CNTNAP5: variants seen among roughly 807,000 people sequenced by gnomAD.
CNTNAP5 encodes the protein contactin-associated protein-like 5.
Under a neutral mutation model 150.2 loss-of-function variants are expected in CNTNAP5, and 72 were observed. The observed-to-expected ratio is 0.48, with a 90% confidence interval of 0.40 to 0.58. CNTNAP5 has a LOEUF of 0.58. Among genes scored for constraint, CNTNAP5 ranks in the 20% least tolerant of loss-of-function variants. CNTNAP5 has a pLI of 0.00. For missense variants in CNTNAP5, 1,636 were observed against 1,626.2 expected, an observed-to-expected ratio of 1.01 and a Z score of -0.10; for synonymous variants, 672 against 619.8, an observed-to-expected ratio of 1.08 and a Z score of -1.25.
intron 13 of CNTNAP5, among the ~76,000 whole-genome samples, chr2:124,725,487 T>TTCCTTTCCTCTCTTCTCCTC (rs1264338868): frequency 7.6e-6 from 1 of 130,734 alleles, no homozygotes; most frequent in Non-Finnish European, 1.6e-5. Flanking sequence ...TCCTTCCCCC[T>TTCCTTTCCTCTCTTCTCCTC]TCCTTTCCTC....
At chr2:124,756,387 A>C (rs1488448154) in intron 14 of CNTNAP5, among the ~76,000 whole-genome samples, 1 of 152,214 alleles carries the variant, frequency 6.6e-6, no homozygotes, top group Non-Finnish European at 1.5e-5. Context: ...CAGAACTATC[A>C]TTTGACTGAG....
chr2:124,786,205 G>C (rs556841000), intron 17 of CNTNAP5, among the ~76,000 whole-genome samples: 17 of 151,492 alleles, frequency 1.1e-4, no homozygotes, highest in African/African-American at 4.1e-4. Flanking sequence ...GGAGGCTGCA[G>C]TGCGCTATGA....
chr2:124,622,501 G>A (rs1677638898), intron 12 of CNTNAP5, among the ~76,000 whole-genome samples: 1 of 152,014 alleles, frequency 6.6e-6, no homozygotes. Flanking sequence ...CAGGATTGCT[G>A]GGTCAAATGG....
intron 21 of CNTNAP5, among the ~76,000 whole-genome samples, chr2:124,872,552 A>C (rs2104728715): frequency 6.6e-6 from 1 of 151,972 alleles, no homozygotes; most frequent in East Asian, 1.9e-4. Context: ...CTACCAATTT[A>C]GGACAATTTT....
chr2:124,403,261 T>C (rs1015165353), intron 3 of CNTNAP5, among the ~76,000 whole-genome samples: 1 of 152,180 alleles, frequency 6.6e-6, no homozygotes, highest in Non-Finnish European at 1.5e-5. Flanking sequence ...TTTACAAGTA[T>C]TTTCTATTGG....
At chr2:124,881,101 T>C (rs1470771567) in intron 21 of CNTNAP5, among the ~76,000 whole-genome samples, 2 of 152,168 alleles carry the variant, frequency 1.3e-5, no homozygotes, top group Admixed American at 6.5e-5. Context: ...ACAGAGGACA[T>C]CCAGTGCTCT....
chr2:124,879,932 GC>G (rs1456473110), intron 21 of CNTNAP5, among the ~76,000 whole-genome samples: 1 of 152,060 alleles, frequency 6.6e-6, no homozygotes, highest in Admixed American at 6.6e-5. Context: ...CCCCTCTGAA[GC>G]TTGGTGAGAA....
chr2:124,707,201 G>GAAGAAGAAGAAGAAT (rs1390951606), intron 13 of CNTNAP5, among the ~76,000 whole-genome samples: 6 of 140,632 alleles, frequency 4.3e-5, no homozygotes, highest in Non-Finnish European at 7.8e-5. Flanking sequence ...AGAAGAAGAA[G>GAAGAAGAAGAAGAAT]AAGAATAAAC....
At chr2:124,190,300 A>C (rs1685429192) in intron 1 of CNTNAP5, among the ~76,000 whole-genome samples, 1 of 152,224 alleles carries the variant, frequency 6.6e-6, no homozygotes, top group South Asian at 2.1e-4. Flanking sequence ...TAGTTAGAGA[A>C]GTCTAACAGA....
chr2:124,203,600 C>T (rs962946321), intron 1 of CNTNAP5, among the ~76,000 whole-genome samples: 1 of 152,178 alleles, frequency 6.6e-6, no homozygotes, highest in Admixed American at 6.5e-5. Flanking sequence ...TCCATACATC[C>T]TCTGAAATCT....
chr2:124,722,399 T>C (rs1680067369), intron 13 of CNTNAP5, among the ~76,000 whole-genome samples: 1 of 152,120 alleles, frequency 6.6e-6, no homozygotes, highest in Non-Finnish European at 1.5e-5. Context: ...GCTTCCAAAA[T>C]ATAATGGCAG....
chr2:124,449,340 T>A (rs886700550), intron 6 of CNTNAP5, among the ~76,000 whole-genome samples: 9 of 151,834 alleles, frequency 5.9e-5, no homozygotes, highest in Non-Finnish European at 4.4e-5. Context: ...AGATATTTTT[T>A]ATAAACTCAA....
intron 3 of CNTNAP5, among the ~76,000 whole-genome samples, chr2:124,405,192 G>A (rs72966638): frequency 0.16 from 23,734 of 152,072 alleles, 1,975 homozygotes; most frequent in Non-Finnish European, 0.19. Context: ...TTTTCCTCAT[G>A]AGGCGGCGAG....
rs184996753 is a variant in CNTNAP5, at chr2:124,821,060, T to C, written c.3217+22740T>C. ...CCCAACATCGCCAGGCAGGAAACCA[T>C]GCAGTTCCCACAAGGTATGGCCGGT... On this transcript the variant is annotated intron_variant, in intron 19 of 23. Coordinates refer to ENST00000682447, the MANE Select transcript of CNTNAP5 (RefSeq NM_001367498.1). Among the ~76,000 whole-genome samples the C allele has an allele frequency of 2.6e-5, 4 of 152,284 alleles. No individual in the cohort carries two copies. In the East Asian group the frequency reaches 7.7e-4, roughly 29 times the overall value.
intron 1 of CNTNAP5, among the ~76,000 whole-genome samples, chr2:124,083,297 A>G (rs1415055252): frequency 1.3e-5 from 2 of 152,224 alleles, no homozygotes; most frequent in Non-Finnish European, 2.9e-5. Context: ...CAGTGCAGTG[A>G]GCTGAGACTG....
rs1678730268 is a variant in CNTNAP5 at position 124,914,845 on chromosome 2, C to CTCA, written c.*561_*563dup. On this transcript the variant is annotated 3_prime_UTR_variant, in exon 24 of 24. Transcript: ENST00000682447. ...TACCATAAGCAATCCCTTGCCTTAACTCATCACCCTTTTTCACTATGACCC... is the reference window on the plus strand; with the variant it reads ...TACCATAAGCAATCCCTTGCCTTAACTCATCATCACCCTTTTTCACTATGACCC... The CTCA allele has an allele frequency of 6.6e-6, 1 of 152,208 alleles. No homozygotes were observed. The highest frequency in any genetic ancestry group is 2.4e-5 in the African/African-American group (1 of 41,386). The allele number at this position is 152,208 out of a possible 1,614,324, so 9.4% of individuals were successfully genotyped here. A position where few individuals can be genotyped will look rare whatever the true frequency, so the allele number is the denominator to read the frequency against.
intron 6 of CNTNAP5, among the ~76,000 whole-genome samples, chr2:124,465,252 G>A (rs754510898): frequency 1.6e-4 from 25 of 152,124 alleles, no homozygotes; most frequent in Non-Finnish European, 2.9e-4. Flanking sequence ...TATCCTGTTG[G>A]AGCTCACCTG....
chr2:124,897,881 T>C (rs189972827), intron 21 of CNTNAP5, among the ~76,000 whole-genome samples: 4 of 151,100 alleles, frequency 2.6e-5, no homozygotes, highest in African/African-American at 7.4e-5. Context: ...AATATTTACA[T>C]AGGACATACA....
chr2:124,124,376 A>G (rs534737751), intron 1 of CNTNAP5, among the ~76,000 whole-genome samples: 1 of 152,344 alleles, frequency 6.6e-6, no homozygotes, highest in South Asian at 2.1e-4. Context: ...AAGAGTAAGA[A>G]GAAATGAACA....
Sources: allele counts gnomAD v4.1 joint callset (sites outside exome capture counted in the v4.1 genomes callset), GRCh38; gene constraint gnomAD v4.1.1; transcripts MANE v1.5; gene names NCBI Gene and HGNC (gene_info 2026-07-23, HGNC 2026-07-21).